Variants in CAMK2D observed in about 807,000 individuals in gnomAD.
The protein encoded by CAMK2D is calcium/calmodulin-dependent protein kinase type II subunit delta.
CAMK2D carries 37 observed loss-of-function variants against 84.0 expected under a neutral mutation model. That is an observed-to-expected ratio of 0.44 (90% CI 0.34 to 0.58). The LOEUF (loss-of-function observed/expected upper bound fraction) is 0.58, where lower values mean the gene tolerates loss of function less well. CAMK2D is among the 20% of genes least tolerant of loss of function. CAMK2D has a pLI of 0.02. For missense variants in CAMK2D, 448 were observed against 652.5 expected (o/e 0.69, Z 3.41); for synonymous variants, 202 against 212.5 (o/e 0.95, Z 0.43).
chr4:113,548,406 T>C (rs1193706442), intron 5 of CAMK2D, among the ~76,000 whole-genome samples: 1 of 152,142 alleles, frequency 6.6e-6, no homozygotes, highest in Non-Finnish European at 1.5e-5. Context: ...TCCCTTTTGG[T>C]AGGTAGTTTA....
chr4:113,506,897 C>A (rs943031930), intron 13 of CAMK2D, among the ~76,000 whole-genome samples: 2 of 150,030 alleles, frequency 1.3e-5, no homozygotes, highest in Admixed American at 1.3e-4. Flanking sequence ...ATGTTCCCCC[C>A]CCCACACACA....
intron 17 of CAMK2D, among the ~76,000 whole-genome samples, chr4:113,462,338 G>GTCTGTCTGTCTGTCTATCTA (rs1554637439): frequency 7.7e-6 from 1 of 130,448 alleles, no homozygotes; most frequent in African/African-American, 3.0e-5. Flanking sequence ...CTGTCTGTCT[G>GTCTGTCTGTCTGTCTATCTA]TCTATCTATC....
chr4:113,498,766 TTACAAAC>T (rs2097982217), intron 16 of CAMK2D, among the ~76,000 whole-genome samples: 1 of 152,184 alleles, frequency 6.6e-6, no homozygotes, highest in South Asian at 2.1e-4. Context: ...CAAAAATAAA[TTACAAAC>T]TACAAGGTAA....
Position 113,627,718 on chromosome 4 carries a change from C to A in CAMK2D, c.221-18512G>T, listed in dbSNP as rs905625439. Among the ~76,000 whole-genome samples, 8 of 152,236 alleles carry A rather than the reference C, an allele frequency of 5.3e-5. No individual in the cohort carries two copies. In the East Asian group the frequency reaches 1.5e-3, roughly 29 times the overall value. On this transcript the variant is annotated intron_variant, in intron 3 of 20. Coordinates refer to ENST00000511664, the MANE Select transcript of CAMK2D (RefSeq NM_001321571.2). ...AGCAAGGAAAAGCACCAAAACATGGCATTACATAGATGGTGAAAAGGGCAT... is the reference window on the plus strand; with the variant it reads ...AGCAAGGAAAAGCACCAAAACATGGAATTACATAGATGGTGAAAAGGGCAT...
rs551392837 is a variant in CAMK2D, at chr4:113,616,871, T to G, written c.221-7665A>C. On this transcript the variant is annotated intron_variant, in intron 3 of 20. Coordinates refer to ENST00000511664, the MANE Select transcript of CAMK2D (RefSeq NM_001321571.2). ...TTCTTTGTTTTCTTTGAAAAATAAT[T>G]TGAGATTATCCTGTTGTATATTTTA... Among the ~76,000 whole-genome samples the G allele has an allele frequency of 1.4e-3, 220 of 152,294 alleles. 4 individuals carry two copies. Among genetic ancestry groups the G allele is most frequent in the Admixed American group, 5.9e-4 (9 of 15,290 alleles).
chr4:113,604,878 T>C (rs1477917555), intron 4 of CAMK2D, among the ~76,000 whole-genome samples: 1 of 152,206 alleles, frequency 6.6e-6, no homozygotes, highest in Non-Finnish European at 1.5e-5. Context: ...AATATAGATA[T>C]AAATAATTTG....
At chr4:113,625,980 C>A (rs1342133391) in intron 3 of CAMK2D, among the ~76,000 whole-genome samples, 2 of 151,578 alleles carry the variant, frequency 1.3e-5, no homozygotes, top group Non-Finnish European at 2.9e-5. Context: ...CACCACTGCA[C>A]CCCAGCCTGG....
At chr4:113,625,192 G>T (rs2099062426) in intron 3 of CAMK2D, among the ~76,000 whole-genome samples, 1 of 152,140 alleles carries the variant, frequency 6.6e-6, no homozygotes, top group South Asian at 2.1e-4. Context: ...ATAGTCATTG[G>T]TGATAAATTC....
At position 113,454,441 on chromosome 4, in the gene CAMK2D, G is replaced by A. The variant is rs1322477222; in HGVS notation, c.*104C>T. The A allele has an allele frequency of 1.4e-5, 11 of 772,640 alleles. No homozygotes were observed. Among genetic ancestry groups the A allele is most frequent in the Non-Finnish European group, 2.4e-5 (10 of 413,662 alleles). 47.9% of individuals were successfully genotyped at this position (772,640 alleles called of 1,614,324 possible). A position where few individuals can be genotyped will look rare whatever the true frequency, so the allele number is the denominator to read the frequency against. On this transcript the variant is annotated 3_prime_UTR_variant, in exon 21 of 21. Transcript: ENST00000511664. ...CACTCAGAAACATGCATGAAGAGGAGGAGAGGACGGCCCAGGGTCACCATC... is the reference window on the plus strand; with the variant it reads ...CACTCAGAAACATGCATGAAGAGGAAGAGAGGACGGCCCAGGGTCACCATC...
intron 2 of CAMK2D, among the ~76,000 whole-genome samples, chr4:113,704,719 G>A (rs1478349581): frequency 6.6e-6 from 1 of 151,954 alleles, no homozygotes; most frequent in Admixed American, 6.6e-5. Flanking sequence ...AGCCCACCGT[G>A]AATCCACAAA....
At chr4:113,696,353 CT>C (rs1156849421) in intron 2 of CAMK2D, among the ~76,000 whole-genome samples, 1 of 151,924 alleles carries the variant, frequency 6.6e-6, no homozygotes, top group Non-Finnish European at 1.5e-5. Context: ...TAGGCATTTT[CT>C]TCTGTTTTGA....
intron 3 of CAMK2D, among the ~76,000 whole-genome samples, chr4:113,630,604 T>C (rs1218356432): frequency 1.3e-5 from 2 of 152,178 alleles, no homozygotes; most frequent in Admixed American, 1.3e-4. Context: ...ATACCAATAA[T>C]ATATGTCAAC....
intron 2 of CAMK2D, among the ~76,000 whole-genome samples, chr4:113,698,837 T>C (rs1316017793): frequency 6.6e-6 from 1 of 152,082 alleles, no homozygotes; most frequent in African/African-American, 2.4e-5. Flanking sequence ...TCACCTGTCA[T>C]AAAACATGTC....
chr4:113,742,813 A>C (rs779857927), intron 2 of CAMK2D, among the ~76,000 whole-genome samples: 4 of 152,204 alleles, frequency 2.6e-5, no homozygotes, highest in African/African-American at 4.8e-5. Flanking sequence ...TGGTAATATG[A>C]CATCCAGGAT....
chr4:113,662,888 C>T (rs1466196460), intron 2 of CAMK2D, among the ~76,000 whole-genome samples: 1 of 152,154 alleles, frequency 6.6e-6, no homozygotes, highest in African/African-American at 2.4e-5. Context: ...CTCGTCTGTG[C>T]TATAATGAAC....
chr4:113,587,195 T>C (rs2098837898), intron 4 of CAMK2D, among the ~76,000 whole-genome samples: 4 of 152,210 alleles, frequency 2.6e-5, no homozygotes, highest in South Asian at 2.1e-4. Context: ...AGAATAATAC[T>C]ATATACCTTA....
chr4:113,697,717 A>G (rs2099406929), intron 2 of CAMK2D, among the ~76,000 whole-genome samples: 2 of 151,908 alleles, frequency 1.3e-5, no homozygotes, highest in Non-Finnish European at 2.9e-5. Context: ...TAAGATACCT[A>G]AAAAAAATTC....
chr4:113,610,758 C>T (rs887535720), intron 3 of CAMK2D, among the ~76,000 whole-genome samples: 16 of 152,268 alleles, frequency 1.1e-4, no homozygotes, highest in African/African-American at 3.9e-4. Flanking sequence ...CTGCAGTCCC[C>T]GCTGCCCTGC....
chr4:113,541,205 C>T (rs188248560), intron 6 of CAMK2D, among the ~76,000 whole-genome samples: 2 of 152,252 alleles, frequency 1.3e-5, no homozygotes, highest in East Asian at 3.9e-4. Context: ...CAAACCTTTC[C>T]GTTTCTACAT....
Sources: gnomAD v4.1 joint callset for allele counts (sites outside exome capture counted in the v4.1 genomes callset) on GRCh38, gnomAD v4.1.1 for gene constraint, MANE v1.5 for transcripts, NCBI Gene and HGNC (gene_info 2026-07-23, HGNC 2026-07-21) for gene names.